TCF7L2: variants seen among roughly 807,000 people sequenced by gnomAD.
The protein encoded by TCF7L2 is transcription factor 7 like 2.
In TCF7L2, 23 loss-of-function variants were observed where a neutral mutation model predicts 77.9. The observed-to-expected ratio is 0.30, with a 90% CI of 0.21 to 0.42. TCF7L2 has a LOEUF of 0.42. TCF7L2 is among the 10% of genes least tolerant of loss of function. The probability of loss-of-function intolerance (pLI) is 1.00; values close to 1 mark genes in which losing one functional copy is unlikely to be tolerated. For missense variants in TCF7L2, 654 were observed against 793.1 expected (o/e 0.82, Z 2.11); for synonymous variants, 413 against 340.2 (o/e 1.21, Z -2.36).
At chr10:113,119,340 A>G (rs2064388621) in intron 5 of TCF7L2, among the ~76,000 whole-genome samples, 2 of 152,178 alleles carry the variant, frequency 1.3e-5, no homozygotes, top group Non-Finnish European at 2.9e-5. Context: ...GGACCACGCC[A>G]GGCCCTTAGT....
Position 113,157,334 on chromosome 10 carries a change from T to C in TCF7L2, c.1270-687T>C, listed in dbSNP as rs1592427322. On this transcript the variant is annotated intron_variant, in intron 11 of 13. Transcript: ENST00000627217. ...GGTTTCGCCACGTTGGCCAGGCTGG[T>C]CTTGAACTCCTGACTTCAGGTGATC... 2.0e-5 allele frequency among the ~76,000 whole-genome samples: 3 copies of C among 152,258 alleles called. No homozygotes were observed. The South Asian group carries it at 6.2e-4, about 32-fold the overall frequency.
rs1255263658 is a variant in TCF7L2, at chr10:112,951,505, G to A, written c.279G>A (p.Gly93=). The A allele has an allele frequency of 4.2e-6, 6 of 1,432,280 alleles. No homozygotes were observed. The highest frequency in any genetic ancestry group is 2.1e-5 in the Admixed American group (1 of 48,764). 88.7% of individuals were successfully genotyped at this position (1,432,280 alleles called of 1,614,324 possible). ...TAGCGGCCAAGAGGCAAGATGGAGG[G>A]CTCTTTAAGGGGCCACCGTATCCCG... The change falls in exon 3 of 14, where the codon GGG becomes GGA. Residue 93 remains glycine (G), a synonymous_variant. Coordinates refer to ENST00000627217, the MANE Select transcript of TCF7L2 (RefSeq NM_001146274.2).
chr10:113,073,112 G>GTGTGTGTGTGTGTGTGTT (rs1195011200), intron 5 of TCF7L2, among the ~76,000 whole-genome samples: 12 of 140,394 alleles, frequency 8.5e-5, no homozygotes, highest in African/African-American at 3.1e-4. Flanking sequence ...GTGTGTGTGT[G>GTGTGTGTGTGTGTGTGTT]TGTGTGTGTG....
At chr10:113,126,526 GTTT>G in intron 5 of TCF7L2, 1 of 981,840 alleles carries the variant, frequency 1.0e-6, no homozygotes, top group South Asian at 4.7e-5. Flanking sequence ...GAATGCCGGG[GTTT>G]GGGGGAAAAA....
chr10:113,036,276 A>T (rs779464626), intron 4 of TCF7L2, among the ~76,000 whole-genome samples: 3 of 152,042 alleles, frequency 2.0e-5, no homozygotes, highest in Admixed American at 6.6e-5. Flanking sequence ...CTTGCTGCTG[A>T]TGGAAGATTC....
chr10:113,139,471 T>G (rs556879964), intron 5 of TCF7L2, among the ~76,000 whole-genome samples: 28 of 152,346 alleles, frequency 1.8e-4, no homozygotes, highest in South Asian at 1.4e-3. Context: ...GCCCCTTTTA[T>G]GGAAGTGTTG....
At chr10:113,013,506 C>T (rs576437446) in intron 4 of TCF7L2, among the ~76,000 whole-genome samples, 1 of 152,314 alleles carries the variant, frequency 6.6e-6, no homozygotes, top group South Asian at 2.1e-4. Context: ...GGAGGTAAGA[C>T]ATTGGTTTGG....
intron 5 of TCF7L2, 80 bp from the exon 6 acceptor site, chr10:113,141,104 A>T (rs2136828466): frequency 6.4e-7 from 1 of 1,568,356 alleles, no homozygotes; most frequent in Non-Finnish European, 8.7e-7. Flanking sequence ...TGGCCAAGGG[A>T]ACCCACGGGC....
chr10:113,165,673 C>A lies in TCF7L2; in HGVS notation c.1510C>A (p.Pro504Thr), dbSNP rs2137649619. Residue 504 changes from proline to threonine, a missense_variant, in exon 14 of 14, where the codon CCC becomes ACC. By Grantham distance (38) the Pro-to-Thr change is conservative. Around this residue, in one of 6 missense-constraint regions of TCF7L2, gnomAD observed 272 missense variants for 215.4 expected, o/e 1.26. Coordinates refer to ENST00000627217, the MANE Select transcript of TCF7L2 (RefSeq NM_001146274.2). ...CTCCCCGAACCTGCTAGGCTCCCCT[C>A]CCCGAGACGCCAAGTCACAGACTGA... The A allele has an allele frequency of 6.2e-7, 1 of 1,610,978 alleles. No individual in the cohort carries two copies.
chr10:113,119,595 CA>C (rs2064424581), intron 5 of TCF7L2, among the ~76,000 whole-genome samples: 1 of 151,232 alleles, frequency 6.6e-6, no homozygotes, highest in South Asian at 2.1e-4. Context: ...AACTTGCAAG[CA>C]AAAAATAATA....
intron 4 of TCF7L2, among the ~76,000 whole-genome samples, chr10:113,003,649 A>G (rs1318381443): frequency 6.6e-6 from 1 of 152,224 alleles, no homozygotes; most frequent in Non-Finnish European, 1.5e-5. Flanking sequence ...ACCACTGAGC[A>G]TAGCAATTGT....
intron 4 of TCF7L2, among the ~76,000 whole-genome samples, chr10:113,004,671 CTTTTTTA>C (rs2045181060): frequency 6.6e-6 from 1 of 151,918 alleles, no homozygotes; most frequent in Admixed American, 6.6e-5. Context: ...GGTTCCATTT[CTTTTTTA>C]TTTTTTTTTT....
chr10:113,058,694 C>CTG lies in TCF7L2; in HGVS notation c.552+18583_552+18584dup, dbSNP rs112952265. On this transcript the variant is annotated intron_variant, in intron 5 of 13. Transcript: ENST00000627217. ...AAAGTTCCAGGTTTTGGGTCGTGAG[C>CTG]TGTGTGTGTGTGTGTGCGTGTGTGT... Among the ~76,000 whole-genome samples, 1,470 of 150,482 alleles carry CTG rather than the reference C, an allele frequency of 9.8e-3. 25 individuals are homozygous for CTG. The highest frequency in any genetic ancestry group is 0.031 in the African/African-American group (1,284 of 41,052).
chr10:113,056,775 G>C (rs1442339098), intron 5 of TCF7L2, among the ~76,000 whole-genome samples: 5 of 152,168 alleles, frequency 3.3e-5, no homozygotes, highest in African/African-American at 1.2e-4. Context: ...TTTTAAAATG[G>C]CTTTTGGTCT....
intron 4 of TCF7L2, among the ~76,000 whole-genome samples, chr10:113,039,759 T>A (rs1314312030): frequency 6.6e-6 from 1 of 152,186 alleles, no homozygotes; most frequent in Non-Finnish European, 1.5e-5. Context: ...GAAATCATTT[T>A]TTCTGAAGCT....
intron 2 of TCF7L2, 49 bp downstream of exon 2, chr10:112,951,322 C>A: frequency 5.0e-6 from 5 of 990,748 alleles, no homozygotes; most frequent in Non-Finnish European, 6.1e-6. Context: ...GCCCCCCGGG[C>A]CGGCCGCCCC....
chr10:113,127,067 G>A (rs892932390), intron 5 of TCF7L2: 2 of 301,996 alleles, frequency 6.6e-6, no homozygotes, highest in Non-Finnish European at 4.9e-6. Flanking sequence ...AGCTGCCGGG[G>A]TGGATGCAGT....
Position 112,950,665 on chromosome 10 carries a change from T to TG in TCF7L2, c.-85dup, listed in dbSNP as rs200139921. On this transcript the variant is annotated 5_prime_UTR_variant, in exon 1 of 14. Transcript: ENST00000627217. The stretch of plus-strand genomic sequence containing the variant: ...CTCGTCTTTTTCTTGCAATATTTTT[T>TG]GGGGGGGCAAAACTTTTTGGGGGTG... 67,496 of 1,436,894 alleles carry TG rather than the reference T, an allele frequency of 0.047. 1,922 individuals are homozygous for TG. Among genetic ancestry groups the TG allele is most frequent in the Non-Finnish European group, 0.052 (55,957 of 1,074,466 alleles). The allele number at this position is 1,436,894 out of a possible 1,614,324, so 89.0% of individuals were successfully genotyped here.
At chr10:113,112,514 C>T (rs1410228032) in intron 5 of TCF7L2, among the ~76,000 whole-genome samples, 1 of 152,184 alleles carries the variant, frequency 6.6e-6, no homozygotes, top group Admixed American at 6.5e-5. Context: ...CAGCTTGGGG[C>T]TTGGGTGTGT....
Sources: allele counts gnomAD v4.1 joint callset (sites outside exome capture counted in the v4.1 genomes callset), GRCh38; gene constraint gnomAD v4.1.1; regional missense constraint gnomAD v4.1.1; transcripts MANE v1.5; gene names NCBI Gene and HGNC (gene_info 2026-07-23, HGNC 2026-07-21).